LANCL3: variants seen among roughly 807,000 people sequenced by gnomAD.
LANCL3 encodes LanC like family member 3.
A neutral mutation model predicts 26.5 loss-of-function variants in LANCL3; 19 were observed. That is an observed-to-expected ratio of 0.72 (90% CI 0.50 to 1.05). The LOEUF (loss-of-function observed/expected upper bound fraction) is 1.05, where lower values mean the gene tolerates loss of function less well. Ranked by LOEUF, LANCL3 falls within the 50% of genes least tolerant of loss-of-function variation. LANCL3 has a pLI of 0.00. For synonymous variants in LANCL3, 160 were observed against 166.6 expected (o/e 0.96, Z 0.30); for missense variants, 318 against 362.7 (o/e 0.88, Z 1.00).
chrX:37,619,672 T>A (rs1183535347), intron 1 of LANCL3, among the ~76,000 whole-genome samples: 1 of 111,829 alleles, frequency 8.9e-6, no homozygotes. Context: ...AGTGACAAAA[T>A]CTGCCCTTGA....
chrX:37,651,767 A>T (rs1926152002), intron 1 of LANCL3, among the ~76,000 whole-genome samples: 1 of 109,611 alleles, frequency 9.1e-6, no homozygotes, highest in Non-Finnish European at 1.9e-5. Flanking sequence ...CAACCCCATG[A>T]CAGGCCCCAG....
At chrX:37,618,677 A>G (rs1407798292) in intron 1 of LANCL3, among the ~76,000 whole-genome samples, 2 of 111,329 alleles carry the variant, frequency 1.8e-5, no homozygotes, top group Non-Finnish European at 3.8e-5. Flanking sequence ...ATGCCTTCAC[A>G]TTGTCTTCCC....
At chrX:37,616,368 A>G (rs1453289585) in intron 1 of LANCL3, among the ~76,000 whole-genome samples, 2 of 111,844 alleles carry the variant, frequency 1.8e-5, no homozygotes, top group Non-Finnish European at 3.8e-5. Context: ...TCATAAAAAT[A>G]TGTGACTTCA....
At chrX:37,653,352 T>G (rs1319468094) in intron 1 of LANCL3, among the ~76,000 whole-genome samples, 1 of 111,861 alleles carries the variant, frequency 8.9e-6, no homozygotes, top group Non-Finnish European at 1.9e-5. Flanking sequence ...TAAGCCAATT[T>G]TCAGTTATAG....
chrX:37,604,988 C>T (rs563388644), intron 1 of LANCL3, among the ~76,000 whole-genome samples: 2 of 112,146 alleles, frequency 1.8e-5, no homozygotes, highest in African/African-American at 6.5e-5. Flanking sequence ...GATGTGTGTT[C>T]TTGGTTTCTA....
At chrX:37,575,469 A>C (rs1358718214) in intron 1 of LANCL3, among the ~76,000 whole-genome samples, 4 of 111,401 alleles carry the variant, frequency 3.6e-5, no homozygotes, top group Non-Finnish European at 7.5e-5. Context: ...AATATCACTC[A>C]ATTTTAGTGG....
rs1556438744 is a variant in LANCL3 at position 37,681,780 on chromosome X, C to T, written c.*5967C>T. On this transcript the variant is annotated 3_prime_UTR_variant, in exon 5 of 5. Transcript: ENST00000378619. ...AAACTTTGTGTTTTCCTCTCTTTCTCCACTCCTTTTGGGGCCCATTTCTAT... is the reference window on the plus strand; with the variant it reads ...AAACTTTGTGTTTTCCTCTCTTTCTTCACTCCTTTTGGGGCCCATTTCTAT... The T allele has an allele frequency of 9.0e-6, 1 of 111,446 alleles. No homozygotes were observed. The highest frequency in any genetic ancestry group is 9.5e-5 in the Admixed American group (1 of 10,507). The allele number at this position is 111,446 out of a possible 1,213,427, so 9.2% of individuals were successfully genotyped here.
Position 37,675,746 on chromosome X carries a change from T to C in LANCL3, c.1196T>C (p.Val399Ala), listed in dbSNP as rs1556436996. 1 of 1,162,066 alleles carries C rather than the reference T, an allele frequency of 8.6e-7. No homozygotes were observed. The highest frequency in any genetic ancestry group is 2.6e-5 in the Admixed American group (1 of 38,306). Residue 399 changes from valine (V) to alanine (A), a missense_variant, in exon 5 of 5, where the codon GTG becomes GCG. Transcript: ENST00000378619. ...TTGTATGAAGGCTTCTCTGGGACAG[T>C]GTGCTTTCTGATTGACCTGCTGCAG... ...YSLYEGFSGT[V>A]CFLIDLLQPN...
At chrX:37,575,470 A>G (rs1289281378) in intron 1 of LANCL3, among the ~76,000 whole-genome samples, 74 of 111,446 alleles carry the variant, frequency 6.6e-4, no homozygotes, top group Non-Finnish European at 1.3e-3. Flanking sequence ...ATATCACTCA[A>G]TTTTAGTGGT....
intron 1 of LANCL3, among the ~76,000 whole-genome samples, chrX:37,613,831 G>A (rs975424876): frequency 8.9e-6 from 1 of 112,207 alleles, no homozygotes; most frequent in African/African-American, 3.2e-5. Flanking sequence ...GAGAAAGTCC[G>A]TGAAAGGTGC....
chrX:37,583,065 A>G (rs1923949426), intron 1 of LANCL3, among the ~76,000 whole-genome samples: 1 of 111,924 alleles, frequency 8.9e-6, no homozygotes, highest in African/African-American at 3.3e-5. Flanking sequence ...ACTATTTGTT[A>G]AATAGGGAAT....
intron 1 of LANCL3, among the ~76,000 whole-genome samples, chrX:37,578,086 T>G (rs1374984120): frequency 2.7e-5 from 3 of 112,332 alleles, no homozygotes; most frequent in Non-Finnish European, 3.8e-5. Flanking sequence ...TGTTTCACCT[T>G]TCAATGTTGT....
At chrX:37,585,906 A>G (rs878967092) in intron 1 of LANCL3, among the ~76,000 whole-genome samples, 6 of 111,702 alleles carry the variant, frequency 5.4e-5, no homozygotes, top group Admixed American at 4.7e-4. Flanking sequence ...GGTCTTTACA[A>G]TTTGGCATGT....
intron 1 of LANCL3, among the ~76,000 whole-genome samples, chrX:37,576,072 C>A (rs1162753238): frequency 4.5e-5 from 5 of 112,024 alleles, no homozygotes; most frequent in African/African-American, 1.6e-4. Context: ...TATAAGCTAG[C>A]GTACAGTACC....
chrX:37,675,649 C>T lies in LANCL3; in HGVS notation c.1104-5C>T. ...TAAACTGTTCATATTTTCTTCTTCTCTTAGGTTTGCTCAATTCTTATTTAC... is the reference window on the plus strand; with the variant it reads ...TAAACTGTTCATATTTTCTTCTTCTTTTAGGTTTGCTCAATTCTTATTTAC... On this transcript the variant is annotated splice_region_variant and splice_polypyrimidine_tract_variant and intron_variant, in intron 4 of 4. Transcript: ENST00000378619. 1 of 1,110,503 alleles carries T rather than the reference C, an allele frequency of 9.0e-7. No individual in the cohort carries two copies. Among genetic ancestry groups the T allele is most frequent in the South Asian group, 2.4e-5 (1 of 42,003 alleles). The allele number at this position is 1,110,503 out of a possible 1,213,427, so 91.5% of individuals were successfully genotyped here. A position where few individuals can be genotyped will look rare whatever the true frequency, so the allele number is the denominator to read the frequency against.
intron 1 of LANCL3, among the ~76,000 whole-genome samples, chrX:37,577,954 A>G (rs782063992): frequency 6.4e-4 from 72 of 111,836 alleles, no homozygotes; most frequent in African/African-American, 2.2e-3. Context: ...GAGAACATTT[A>G]TTACCTCACT....
intron 1 of LANCL3, among the ~76,000 whole-genome samples, chrX:37,642,151 G>A (rs1486894985): frequency 8.9e-6 from 1 of 112,192 alleles, no homozygotes; most frequent in African/African-American, 3.2e-5. Flanking sequence ...ACTGGAAACT[G>A]CATTTAAATT....
chrX:37,661,114 A>T (rs782024963), intron 3 of LANCL3, among the ~76,000 whole-genome samples: 1 of 111,324 alleles, frequency 9.0e-6, no homozygotes, highest in African/African-American at 3.3e-5. Context: ...TGGTCTCTGG[A>T]TATCCTCCAA....
intron 1 of LANCL3, among the ~76,000 whole-genome samples, chrX:37,593,919 T>A (rs1164241305): frequency 8.9e-6 from 1 of 111,990 alleles, no homozygotes; most frequent in Non-Finnish European, 1.9e-5. Flanking sequence ...CCATAGTAAA[T>A]TAAGATTTAA....
Sources: gnomAD v4.1 joint callset for allele counts (sites outside exome capture counted in the v4.1 genomes callset) on GRCh38, gnomAD v4.1.1 for gene constraint, MANE v1.5 for transcripts, NCBI Gene and HGNC (gene_info 2026-07-23, HGNC 2026-07-21) for gene names.